TRAPPC13: variants seen among roughly 807,000 people sequenced by gnomAD.
TRAPPC13 encodes the protein trafficking protein particle complex subunit 13.
In TRAPPC13, 39 loss-of-function variants were observed where a neutral mutation model predicts 54.0. The ratio of observed to expected loss-of-function variants is 0.72; its 90% confidence interval spans 0.56 to 0.94. The LOEUF (loss-of-function observed/expected upper bound fraction) is 0.94. Among genes scored for constraint, TRAPPC13 ranks in the 40% least tolerant of loss-of-function variants. The pLI is 0.00. For missense variants in TRAPPC13, 386 were observed against 488.1 expected (o/e 0.79, Z 1.97); for synonymous variants, 148 against 167.7 (o/e 0.88, Z 0.91).
At chr5:65,628,409 C>T (rs575113543) in intron 1 of TRAPPC13, among the ~76,000 whole-genome samples, 8 of 151,640 alleles carry the variant, frequency 5.3e-5, no homozygotes, top group South Asian at 2.1e-4. Flanking sequence ...CAGAGAATGA[C>T]GTGAAATCAT....
Position 65,646,015 on chromosome 5 carries a change from T to G in TRAPPC13, c.301-1040T>G, listed in dbSNP as rs935460734. Among the ~76,000 whole-genome samples, 5 of 152,164 alleles carry G rather than the reference T, an allele frequency of 3.3e-5. No homozygotes were observed. The East Asian group carries it at 5.8e-4, about 18-fold the overall frequency. On this transcript the variant is annotated intron_variant, in intron 4 of 12. Transcript: ENST00000399438. ...ATTGCCTACTATGTGCCAGGCACCATGCTATAGTGGTGAGCAAGAGAAGAC... is the reference window on the plus strand; with the variant it reads ...ATTGCCTACTATGTGCCAGGCACCAGGCTATAGTGGTGAGCAAGAGAAGAC...
At chr5:65,640,557 G>A (rs545497895) in intron 4 of TRAPPC13, among the ~76,000 whole-genome samples, 1 of 152,300 alleles carries the variant, frequency 6.6e-6, no homozygotes, top group African/African-American at 2.4e-5. Flanking sequence ...TGACTTCAGA[G>A]AAAAAGCTTG....
chr5:65,645,592 CAGG>C (rs1180333478), intron 4 of TRAPPC13, among the ~76,000 whole-genome samples: 1 of 152,138 alleles, frequency 6.6e-6, no homozygotes, highest in Admixed American at 6.5e-5. Flanking sequence ...ATCACGAGGT[CAGG>C]AGATCAAGAC....
intron 1 of TRAPPC13, among the ~76,000 whole-genome samples, 189 bp from the exon 2 acceptor site, chr5:65,635,112 G>A (rs191893114): frequency 3.4e-4 from 52 of 152,058 alleles, no homozygotes; most frequent in Non-Finnish European, 5.7e-4. Context: ...TGCTTATTTT[G>A]TAACATTACA....
intron 9 of TRAPPC13, among the ~76,000 whole-genome samples, chr5:65,660,096 T>C (rs1242900301): frequency 6.6e-6 from 1 of 151,930 alleles, no homozygotes; most frequent in Non-Finnish European, 1.5e-5. Flanking sequence ...CACAGAAAAG[T>C]TCATAGCCTC....
At chr5:65,637,097 A>C (rs1383605657) in intron 3 of TRAPPC13, among the ~76,000 whole-genome samples, 3 of 152,224 alleles carry the variant, frequency 2.0e-5, no homozygotes, top group Middle Eastern at 6.3e-3. Flanking sequence ...AAATCCTAAG[A>C]CTTTAGCATA....
At chr5:65,662,988 TGTAA>T (rs1378214567) in intron 11 of TRAPPC13, 1 of 152,148 alleles carries the variant, frequency 6.6e-6, no homozygotes, top group Admixed American at 6.6e-5. Context: ...CATATATTAC[TGTAA>T]GTATTAGTCT....
At chr5:65,627,912 A>G (rs987009281) in intron 1 of TRAPPC13, among the ~76,000 whole-genome samples, 2 of 152,238 alleles carry the variant, frequency 1.3e-5, no homozygotes, top group East Asian at 1.9e-4. Context: ...CTTCAGAATC[A>G]GACAGTGATT....
rs1371532364 is a variant in TRAPPC13, at chr5:65,664,622, C to T, written c.*11C>T. 1 of 1,591,820 alleles carries T rather than the reference C, an allele frequency of 6.3e-7. No homozygotes were observed. Among genetic ancestry groups the T allele is most frequent in the East Asian group, 2.2e-5 (1 of 44,738 alleles). The stretch of plus-strand genomic sequence containing the variant: ...AAAGTGGAAAGCTGAAGGAAACTTC[C>T]AATGTTAGGCTTTTCATTTAGTTTC... On this transcript the variant is annotated 3_prime_UTR_variant, in exon 13 of 13. Transcript: ENST00000399438.
chr5:65,659,805 A>T (rs570721097), intron 9 of TRAPPC13, among the ~76,000 whole-genome samples: 7 of 151,642 alleles, frequency 4.6e-5, no homozygotes, highest in East Asian at 1.9e-4. Flanking sequence ...GCAACTTGGC[A>T]TTTTTTTTAT....
intron 7 of TRAPPC13, 36 bp downstream of exon 7, chr5:65,652,581 A>C: frequency 6.8e-7 from 1 of 1,478,632 alleles, no homozygotes; most frequent in Admixed American, 1.7e-5. Flanking sequence ...TTCATATTAA[A>C]CATTAAGATC....
chr5:65,648,283 C>A (rs1478847609), intron 5 of TRAPPC13, among the ~76,000 whole-genome samples: 1 of 152,172 alleles, frequency 6.6e-6, no homozygotes, highest in Non-Finnish European at 1.5e-5. Flanking sequence ...AGCACTACTT[C>A]CTCAAGAAGT....
intron 6 of TRAPPC13, among the ~76,000 whole-genome samples, chr5:65,651,288 G>A (rs1356944068): frequency 6.6e-6 from 1 of 152,062 alleles, no homozygotes; most frequent in Non-Finnish European, 1.5e-5. Flanking sequence ...AGGCTGAGGC[G>A]GAAGGATCGC....
intron 3 of TRAPPC13, among the ~76,000 whole-genome samples, chr5:65,636,538 A>C (rs1169445810): frequency 6.6e-6 from 1 of 152,174 alleles, no homozygotes; most frequent in African/African-American, 2.4e-5. Flanking sequence ...CCAAAATAAA[A>C]TGTTAATAGT....
chr5:65,664,253 C>T lies in TRAPPC13; in HGVS notation c.1015C>T (p.Leu339=). 6.2e-7 allele frequency: 1 copy of T among 1,613,682 alleles called. No homozygotes were observed. Among genetic ancestry groups the T allele is most frequent in the South Asian group, 1.1e-5 (1 of 91,048 alleles). Residue 339 remains leucine (L), a synonymous_variant, in exon 12 of 13, where the codon CTG becomes TTG. Coordinates refer to ENST00000399438, the MANE Select transcript of TRAPPC13 (RefSeq NM_024941.4). Reference sequence around the variant, plus strand: ...CTCCAGCAGTGAAAGGACTATGGATCTGGTTTTGGAAATGTGCAATACCAA... The same window carrying T: ...CTCCAGCAGTGAAAGGACTATGGATTTGGTTTTGGAAATGTGCAATACCAA... The part of the protein sequence containing the change: ...ITNCSERTMD[L]VLEMCNTNSI...
intron 8 of TRAPPC13, among the ~76,000 whole-genome samples, chr5:65,657,274 C>G (rs959733289): frequency 8.0e-5 from 11 of 137,648 alleles, no homozygotes; most frequent in African/African-American, 3.0e-4. Context: ...CCCAGCTACT[C>G]GGGAGGCTGA....
chr5:65,665,326 T>C lies in TRAPPC13; in HGVS notation c.*715T>C, dbSNP rs1223058191. ...ATTTCAGTTAACTCCAGTTTTTTCC[T>C]AGCTATTCGGTCAGCAGAAAAAGTT... On this transcript the variant is annotated 3_prime_UTR_variant, in exon 13 of 13. Transcript: ENST00000399438. 1 of 152,204 alleles carries C rather than the reference T, an allele frequency of 6.6e-6. No individual in the cohort carries two copies. Among genetic ancestry groups the C allele is most frequent in the Non-Finnish European group, 1.5e-5 (1 of 68,026 alleles). The allele number at this position is 152,204 out of a possible 1,614,324, so 9.4% of individuals were successfully genotyped here. A position where few individuals can be genotyped will look rare whatever the true frequency, so the allele number is the denominator to read the frequency against.
At chr5:65,651,857 T>G (rs544297648) in intron 6 of TRAPPC13, among the ~76,000 whole-genome samples, 39 of 107,854 alleles carry the variant, frequency 3.6e-4, no homozygotes, top group African/African-American at 1.5e-3. Flanking sequence ...TTTTTTTTTT[T>G]TTTTTTTTTT....
intron 1 of TRAPPC13, chr5:65,629,710 G>A (rs1206923505): frequency 2.0e-6 from 3 of 1,536,040 alleles, no homozygotes; most frequent in Middle Eastern, 1.7e-4. Flanking sequence ...TTATACCTTG[G>A]TTTCCATATG....
Sources: gnomAD v4.1 joint callset for allele counts (sites outside exome capture counted in the v4.1 genomes callset) on GRCh38, gnomAD v4.1.1 for gene constraint, MANE v1.5 for transcripts, NCBI Gene and HGNC (gene_info 2026-07-23, HGNC 2026-07-21) for gene names.